The following CXADR variants were observed in gnomAD, a reference collection of about 807,000 sequenced individuals.
CXADR encodes the protein CXADR cell adhesion molecule, also known as coxsackievirus and adenovirus receptor.
CXADR carries 20 observed loss-of-function variants against 40.3 expected under a neutral mutation model. The observed-to-expected ratio is 0.50, with a 90% confidence interval of 0.35 to 0.72. CXADR has a LOEUF of 0.72. CXADR is among the 30% of genes least tolerant of loss of function. CXADR has a pLI of 0.01. For missense variants in CXADR, 332 were observed against 449.1 expected, an observed-to-expected ratio of 0.74 and a Z score of 2.36; for synonymous variants, 150 against 161.3, an observed-to-expected ratio of 0.93 and a Z score of 0.53.
chr21:17,590,593 C>T (rs1237751266), intron 7 of CXADR, among the ~76,000 whole-genome samples: 4 of 151,948 alleles, frequency 2.6e-5, no homozygotes, highest in African/African-American at 9.7e-5. Context: ...CATAAAGTGC[C>T]ATATGCAATG....
intron 7 of CXADR, among the ~76,000 whole-genome samples, chr21:17,581,904 TG>T (rs34360154): frequency 1 from 151,936 of 151,936 alleles, 75,968 homozygotes; most frequent in Non-Finnish European, 1. Context: ...ACTAGTAGTC[TG>T]GCTAATTTGG....
downstream of CXADR, chr21:17,594,165 T>G (rs1380680204): frequency 6.2e-7 from 1 of 1,613,174 alleles, no homozygotes; most frequent in African/African-American, 1.3e-5. Flanking sequence ...GAGGTACCCA[T>G]GTCACTGGAA....
At chr21:17,602,956 T>C in the CXADR span, among the ~76,000 whole-genome samples, 1 of 152,250 alleles carries the variant, frequency 6.6e-6, no homozygotes, top group Non-Finnish European at 1.5e-5. Context: ...TATTTGATTG[T>C]GTGATAACAT....
At chr21:17,612,787 C>G in the CXADR span, 1 of 152,312 alleles carries the variant, frequency 6.6e-6, no homozygotes, top group East Asian at 1.9e-4. Flanking sequence ...TCAACGGGCC[C>G]GCGCTGGGCA....
Position 17,522,774 on chromosome 21 carries a change from A to T in CXADR, c.43+9602A>T, listed in dbSNP as rs191772544. Among the ~76,000 whole-genome samples the T allele has an allele frequency of 2.6e-5, 4 of 152,162 alleles. No individual in the cohort carries two copies. In the East Asian group the frequency reaches 7.7e-4, roughly 29 times the overall value. ...CCAACATTTCTCAGTTTATGGGTGC[A>T]GTTACTGTTTATTTGCCTACAGTCT... On this transcript the variant is annotated intron_variant, in intron 1 of 6. Transcript: ENST00000284878.
intron 1 of CXADR, among the ~76,000 whole-genome samples, chr21:17,520,143 C>T (rs1483174732): frequency 6.6e-6 from 1 of 152,110 alleles, no homozygotes; most frequent in Non-Finnish European, 1.5e-5. Context: ...CAAGTACACT[C>T]ACCTGTTAAT....
intron 1 of CXADR, among the ~76,000 whole-genome samples, chr21:17,542,688 T>C (rs1427331239): frequency 6.6e-6 from 1 of 152,276 alleles, no homozygotes; most frequent in Non-Finnish European, 1.5e-5. Flanking sequence ...AGCTTAATAA[T>C]GTGCCGCATA....
chr21:17,540,383 T>A (rs1311625900), intron 1 of CXADR, among the ~76,000 whole-genome samples: 1 of 152,200 alleles, frequency 6.6e-6, no homozygotes, highest in Non-Finnish European at 1.5e-5. Flanking sequence ...ATGTTCCTTT[T>A]GAAAGACCTA....
intron 7 of CXADR, among the ~76,000 whole-genome samples, chr21:17,584,153 A>T (rs1007232589): frequency 2.6e-5 from 4 of 152,216 alleles, no homozygotes; most frequent in African/African-American, 9.7e-5. Flanking sequence ...AATGGTTAAG[A>T]GTTTGGACTC....
chr21:17,524,090 C>T (rs2123131176), intron 1 of CXADR, among the ~76,000 whole-genome samples: 1 of 149,394 alleles, frequency 6.7e-6, no homozygotes, highest in East Asian at 2.2e-4. Flanking sequence ...GTTGGGGTTT[C>T]ACCATGTTGG....
At chr21:17,513,214 G>C in intron 1 of CXADR, 42 bp downstream of exon 1, 4 of 1,347,920 alleles carry the variant, frequency 3.0e-6, no homozygotes, top group Non-Finnish European at 3.8e-6. Context: ...GCCCAGCCCG[G>C]GGGCGCTCGC....
At chr21:17,584,929 T>TTCAA (rs1334867602) in intron 7 of CXADR, among the ~76,000 whole-genome samples, 1 of 152,274 alleles carries the variant, frequency 6.6e-6, no homozygotes, top group African/African-American at 2.4e-5. Context: ...CATTTTCATT[T>TTCAA]TCAATCAGTA....
chr21:17,521,519 C>T (rs927894783), intron 1 of CXADR, among the ~76,000 whole-genome samples: 21 of 152,110 alleles, frequency 1.4e-4, no homozygotes, highest in African/African-American at 4.1e-4. Flanking sequence ...GATGGGGCTT[C>T]GCCATGTTGG....
At chr21:17,529,070 A>C (rs2060636916) in intron 1 of CXADR, among the ~76,000 whole-genome samples, 1 of 126,406 alleles carries the variant, frequency 7.9e-6, no homozygotes, top group Non-Finnish European at 1.6e-5. Flanking sequence ...ACAGAGTCTC[A>C]CTCTGTCACC....
chr21:17,605,140 A>G, the CXADR span: 8 of 936,016 alleles, frequency 8.5e-6, no homozygotes, highest in Non-Finnish European at 1.2e-5. Flanking sequence ...TATCTATCCT[A>G]AACAGATAAT....
At chr21:17,513,985 T>G (rs956050752) in intron 1 of CXADR, among the ~76,000 whole-genome samples, 1 of 152,162 alleles carries the variant, frequency 6.6e-6, no homozygotes, top group African/African-American at 2.4e-5. Context: ...ACTGCTCCTT[T>G]CTCTGGGAGG....
intron 1 of CXADR, among the ~76,000 whole-genome samples, chr21:17,538,011 T>G (rs2060781082): frequency 6.6e-6 from 1 of 151,984 alleles, no homozygotes. Context: ...TCTTTTTTTT[T>G]TTCTTTTTAA....
intron 2 of CXADR, among the ~76,000 whole-genome samples, chr21:17,548,896 A>G (rs1392360495): frequency 6.6e-6 from 1 of 152,240 alleles, no homozygotes; most frequent in African/African-American, 2.4e-5. Flanking sequence ...ACACAGTCAC[A>G]TCAGACCAAA....
rs751265056 is a variant in CXADR, at chr21:17,565,592, C to G, written c.998C>G (p.Pro333Arg). 6.2e-6 allele frequency: 10 copies of G among 1,613,200 alleles called. No individual in the cohort carries two copies. The South Asian group carries it at 1.1e-4, about 18-fold the overall frequency. Residue 333 changes from proline to arginine, a missense_variant, in exon 7 of 7, where the codon CCG becomes CGG. By Grantham distance (103) the Pro-to-Arg change is moderately radical (BLOSUM62 -2). Around this residue, in one of 3 missense-constraint regions of CXADR, gnomAD observed 150 missense variants for 194.2 expected, o/e 0.77. Transcript: ENST00000284878. The part of the protein sequence containing the change: ...SEDFERTPQS[P>R]TLPPAKVAAP... ...GACTTTGAACGCACTCCTCAGAGTCCGACTCTCCCACCTGCTAAGGTAGCT... is the reference window on the plus strand; with the variant it reads ...GACTTTGAACGCACTCCTCAGAGTCGGACTCTCCCACCTGCTAAGGTAGCT...
Sources: gnomAD v4.1 joint callset for allele counts (sites outside exome capture counted in the v4.1 genomes callset) on GRCh38, gnomAD v4.1.1 for gene constraint, gnomAD v4.1.1 regional missense constraint, MANE v1.5 for transcripts, NCBI Gene and HGNC (gene_info 2026-07-23, HGNC 2026-07-21) for gene names.